Variants in SEPTIN9 observed in about 807,000 individuals in gnomAD.
SEPTIN9 encodes the protein septin-9.
In SEPTIN9, 13 loss-of-function variants were observed where a neutral mutation model predicts 56.6. That is an observed-to-expected ratio of 0.23 (90% confidence interval 0.15 to 0.37). The LOEUF (loss-of-function observed/expected upper bound fraction) is 0.37, where lower values mean the gene tolerates loss of function less well. SEPTIN9 is among the 10% of genes least tolerant of loss of function. The pLI is 1.00. For synonymous variants in SEPTIN9, 332 were observed against 334.1 expected, an observed-to-expected ratio of 0.99 and a Z score of 0.07; for missense variants, 650 against 823.1, an observed-to-expected ratio of 0.79 and a Z score of 2.57.
chr17:77,477,091 C>CT (rs1358808508), intron 3 of SEPTIN9, among the ~76,000 whole-genome samples: 3 of 151,794 alleles, frequency 2.0e-5, no homozygotes, highest in Non-Finnish European at 4.4e-5. Context: ...CCTCCCCTCC[C>CT]TTTTTTCCTT....
chr17:77,328,515 G>A lies in SEPTIN9; in HGVS notation c.76+21318G>A, dbSNP rs548938162. 3.9e-5 allele frequency among the ~76,000 whole-genome samples: 6 copies of A among 152,254 alleles called. No individual in the cohort carries two copies. The East Asian group carries it at 9.7e-4, about 25-fold the overall frequency. The stretch of plus-strand genomic sequence containing the variant: ...CAAATAGCTGGGATGACAGGCGTCC[G>A]CCACCATGCCTGGTTAATTTTTGTA... On this transcript the variant is annotated intron_variant, in intron 2 of 11. Coordinates refer to ENST00000427177, the MANE Select transcript of SEPTIN9 (RefSeq NM_001113491.2).
intron 3 of SEPTIN9, among the ~76,000 whole-genome samples, chr17:77,403,331 C>G (rs952823766): frequency 1.3e-5 from 2 of 152,192 alleles, no homozygotes; most frequent in African/African-American, 4.8e-5. Context: ...TCTCAGGGCA[C>G]TGGGAAGGGG....
chr17:77,419,951 G>C (rs1213423379), intron 3 of SEPTIN9: 1 of 152,338 alleles, frequency 6.6e-6, no homozygotes, highest in African/African-American at 2.4e-5. Flanking sequence ...TGGGGGGCAT[G>C]GCTGGGGAGG....
Position 77,475,464 on chromosome 17 carries a change from C to A in SEPTIN9, c.722-6680C>A. 6.4e-7 allele frequency: 1 copy of A among 1,563,172 alleles called. No homozygotes were observed. Among genetic ancestry groups the A allele is most frequent in the South Asian group, 1.2e-5 (1 of 82,636 alleles). On this transcript the variant is annotated intron_variant, in intron 3 of 11. Transcript: ENST00000427177. The surrounding 1 kb of genome is among the most constrained non-coding windows in gnomAD (Gnocchi z 4.6). ...CAGGGACTCACTCAGCTTTAAGAAG[C>A]CCCTTTGTGGGGGACAGGGAGCATC...
At chr17:77,325,070 C>T (rs544141620) in intron 2 of SEPTIN9, among the ~76,000 whole-genome samples, 129 of 152,230 alleles carry the variant, frequency 8.5e-4, no homozygotes, top group African/African-American at 3.0e-3. Context: ...CCACCCGTCT[C>T]GGCCTCCCAA....
rs1698058280 is a variant in SEPTIN9, at chr17:77,492,267, G to A, written c.1381-354G>A. ...GCAGGCGGGGCCCCTGCTGGAACTG[G>A]GGACTGTGACGAGGGTTTTTTAGGA... On this transcript the variant is annotated intron_variant, in intron 8 of 11. Transcript: ENST00000427177. This position sits in a 1 kb window ranked among gnomAD's most constrained non-coding sequence, Gnocchi z 5.4. Among the ~76,000 whole-genome samples, 1 of 152,174 alleles carries A rather than the reference G, an allele frequency of 6.6e-6. No homozygotes were observed. The highest frequency in any genetic ancestry group is 2.4e-5 in the African/African-American group (1 of 41,446).
chr17:77,291,715 C>A (rs1420859778), intron 1 of SEPTIN9, among the ~76,000 whole-genome samples: 1 of 152,056 alleles, frequency 6.6e-6, no homozygotes, highest in Non-Finnish European at 1.5e-5. Flanking sequence ...CAGCCTCAAG[C>A]GATCCTCCTG....
At chr17:77,322,042 G>A (rs2032956694) in intron 2 of SEPTIN9, among the ~76,000 whole-genome samples, 1 of 152,198 alleles carries the variant, frequency 6.6e-6, no homozygotes, top group African/African-American at 2.4e-5. Context: ...TGGGCCACCA[G>A]CCCCAGGAGG....
At chr17:77,284,078 C>T (rs2031158343) in intron 1 of SEPTIN9, among the ~76,000 whole-genome samples, 1 of 152,026 alleles carries the variant, frequency 6.6e-6, no homozygotes, top group Admixed American at 6.6e-5. Context: ...TGGCCAGGTG[C>T]GCTTGAAGTC....
chr17:77,373,433 C>A (rs576443636), intron 2 of SEPTIN9: 11 of 1,462,872 alleles, frequency 7.5e-6, no homozygotes, highest in Middle Eastern at 4.5e-4. Flanking sequence ...CGCGCAGGGC[C>A]CGGGCCCCGC....
At position 77,389,400 on chromosome 17, in the gene SEPTIN9, G is replaced by C. The variant is rs572064546; in HGVS notation, c.77-12659G>C. ...ACGGAGAGCTGCCAGAGAGGCCCTG[G>C]CGGGGTGTCTGGGGCCACCTAAAGG... On this transcript the variant is annotated intron_variant, in intron 2 of 11. Transcript: ENST00000427177. This position sits in a 1 kb window ranked among gnomAD's most constrained non-coding sequence, Gnocchi z 4.3. 1.3e-5 allele frequency among the ~76,000 whole-genome samples: 2 copies of C among 152,274 alleles called. No homozygotes were observed. Among genetic ancestry groups the C allele is most frequent in the Non-Finnish European group, 2.9e-5 (2 of 68,008 alleles).
chr17:77,290,195 C>T (rs891295638), intron 1 of SEPTIN9, among the ~76,000 whole-genome samples: 2 of 151,824 alleles, frequency 1.3e-5, no homozygotes, highest in Non-Finnish European at 2.9e-5. Flanking sequence ...ATGCTTATAG[C>T]TTTGGGCCTG....
At chr17:77,486,657 TGA>T (rs1167945695) in intron 4 of SEPTIN9, among the ~76,000 whole-genome samples, 9 of 151,968 alleles carry the variant, frequency 5.9e-5, no homozygotes, top group Non-Finnish European at 1.3e-4. Flanking sequence ...GTGTGTGTTG[TGA>T]GGTGTGTGTA....
intron 2 of SEPTIN9, among the ~76,000 whole-genome samples, chr17:77,399,293 G>A (rs1156559410): frequency 6.6e-6 from 1 of 152,228 alleles, no homozygotes; most frequent in Non-Finnish European, 1.5e-5. Context: ...CCCAGGGAAG[G>A]TCATTTGTTT....
intron 3 of SEPTIN9, among the ~76,000 whole-genome samples, chr17:77,432,714 G>A (rs905270675): frequency 6.6e-6 from 1 of 152,266 alleles, no homozygotes; most frequent in Non-Finnish European, 1.5e-5. Context: ...CACTCACGCA[G>A]CATTAGCTTT....
chr17:77,331,292 T>G (rs988579370), intron 2 of SEPTIN9, among the ~76,000 whole-genome samples: 1 of 152,236 alleles, frequency 6.6e-6, no homozygotes, highest in Non-Finnish European at 1.5e-5. Context: ...TGGGCCTATG[T>G]CACTGCGTCA....
intron 3 of SEPTIN9, among the ~76,000 whole-genome samples, chr17:77,426,631 A>G (rs1447258770): frequency 6.6e-6 from 1 of 152,162 alleles, no homozygotes; most frequent in African/African-American, 2.4e-5. Flanking sequence ...GTCCCTCCCT[A>G]GACCTCCTGG....
chr17:77,298,384 C>T lies in SEPTIN9; in HGVS notation c.20-8757C>T, dbSNP rs139371804. 3.9e-3 allele frequency among the ~76,000 whole-genome samples: 593 copies of T among 152,302 alleles called. 5 individuals carry two copies. Among genetic ancestry groups the T allele is most frequent in the African/African-American group, 8.1e-3 (337 of 41,558 alleles). The stretch of plus-strand genomic sequence containing the variant: ...CCCAGTGTACTGGACTCTTTAGCCA[C>T]GGGCCAGGACACTTTCATCTCAGCA... On this transcript the variant is annotated intron_variant, in intron 1 of 11. Transcript: ENST00000427177.
At position 77,436,679 on chromosome 17, in the gene SEPTIN9, T is replaced by C. The variant is rs903970586; in HGVS notation, c.721+33976T>C. 6.6e-6 allele frequency among the ~76,000 whole-genome samples: 1 copy of C among 152,232 alleles called. No individual in the cohort carries two copies. Among genetic ancestry groups the C allele is most frequent in the Non-Finnish European group, 1.5e-5 (1 of 68,038 alleles). ...ACCTACACCTCCTGTTTTGCTGCAC[T>C]AGCCTCGTGGTAGGGGCTGCGGCGG... is the stretch of plus-strand genomic sequence containing the variant. On this transcript the variant is annotated intron_variant, in intron 3 of 11. Transcript: ENST00000427177. This position sits in a 1 kb window ranked among gnomAD's most constrained non-coding sequence, Gnocchi z 4.4.
Sources: gnomAD v4.1 joint callset for allele counts (sites outside exome capture counted in the v4.1 genomes callset) on GRCh38, gnomAD v4.1.1 for gene constraint, Gnocchi (gnomAD v3.1) non-coding constraint, MANE v1.5 for transcripts, NCBI Gene and HGNC (gene_info 2026-07-23, HGNC 2026-07-21) for gene names.